The following STX6 variants were observed in gnomAD, a reference collection of about 807,000 sequenced individuals.
STX6 encodes syntaxin-6.
A neutral mutation model predicts 38.0 loss-of-function variants in STX6; 23 were observed. The observed-to-expected ratio is 0.60, with a 90% confidence interval of 0.43 to 0.86. STX6 has a LOEUF of 0.86. Ranked by LOEUF, STX6 falls within the 40% of genes least tolerant of loss-of-function variation. The probability of loss-of-function intolerance (pLI) is 0.00; values close to 1 mark genes in which losing one functional copy is unlikely to be tolerated. For missense variants in STX6, 274 were observed against 312.9 expected (o/e 0.88, Z 0.94); for synonymous variants, 123 against 107.5 (o/e 1.14, Z -0.89).
chr1:181,021,812 C>T (rs965615284), intron 1 of STX6, among the ~76,000 whole-genome samples: 3 of 152,194 alleles, frequency 2.0e-5, no homozygotes, highest in Non-Finnish European at 4.4e-5. Context: ...GAACAGAAGG[C>T]AGTCCTTTCT....
rs1156766790 is a variant in STX6 at position 180,976,248 on chromosome 1, G to C, written c.*322C>G. Reference sequence around the variant, plus strand: ...GAATGAGCAACAGCAAAACACCAGTGGAGTCTGTAAGTCCCTCCTCAGCAA... The same window carrying C: ...GAATGAGCAACAGCAAAACACCAGTCGAGTCTGTAAGTCCCTCCTCAGCAA... On this transcript the variant is annotated 3_prime_UTR_variant, in exon 8 of 8. Coordinates refer to ENST00000258301, the MANE Select transcript of STX6 (RefSeq NM_005819.6). 3 of 326,094 alleles carry C rather than the reference G, an allele frequency of 9.2e-6. No individual in the cohort carries two copies. The highest frequency in any genetic ancestry group is 1.8e-5 in the Non-Finnish European group (3 of 167,916). 20.2% of individuals were successfully genotyped at this position (326,094 alleles called of 1,614,324 possible). A position where few individuals can be genotyped will look rare whatever the true frequency, so the allele number is the denominator to read the frequency against.
intron 1 of STX6, among the ~76,000 whole-genome samples, chr1:181,014,640 G>C (rs1656504360): frequency 6.6e-6 from 1 of 152,062 alleles, no homozygotes; most frequent in Admixed American, 6.5e-5. Context: ...CAACACATCA[G>C]ACTCCCACTC....
rs1655615908 is a variant in STX6 at position 180,987,289 on chromosome 1, C to T, written c.596+950G>A. 5.3e-5 allele frequency among the ~76,000 whole-genome samples: 8 copies of T among 152,224 alleles called. No individual in the cohort carries two copies. The South Asian group carries it at 1.7e-3, about 32-fold the overall frequency. On this transcript the variant is annotated intron_variant, in intron 6 of 7. Coordinates refer to ENST00000258301, the MANE Select transcript of STX6 (RefSeq NM_005819.6). Reference sequence around the variant, plus strand: ...CACATCCTTCAGATTTCAGTTAAACCCCTCTTCCTCAGGGACCTTGGGCTA... The same window carrying T: ...CACATCCTTCAGATTTCAGTTAAACTCCTCTTCCTCAGGGACCTTGGGCTA...
Position 181,006,400 on chromosome 1 carries a change from C to T in STX6, c.36-937G>A, listed in dbSNP as rs189086284. The stretch of plus-strand genomic sequence containing the variant: ...TTCTTGTTTAGAGAATGAGACTAGG[C>T]CATTAAGTGCTATGATCTAGCATGC... On this transcript the variant is annotated intron_variant, in intron 1 of 7. Coordinates refer to ENST00000258301, the MANE Select transcript of STX6 (RefSeq NM_005819.6). Among the ~76,000 whole-genome samples, 6 of 150,150 alleles carry T rather than the reference C, an allele frequency of 4.0e-5. No homozygotes were observed. The Admixed American group carries it at 4.0e-4, about 10-fold the overall frequency.
intron 7 of STX6, 32 bp from the exon 8 acceptor site, chr1:180,976,678 C>T (rs759539838): frequency 1.3e-6 from 2 of 1,594,052 alleles, no homozygotes; most frequent in Non-Finnish European, 1.7e-6. Context: ...TTAGCTCTCA[C>T]AGGGACTCCA....
In STX6 at chr1:180,979,464, T is replaced by G. The variant is rs557300065; in HGVS notation, c.692-2818A>C. Among the ~76,000 whole-genome samples, 40 of 152,298 alleles carry G rather than the reference T, an allele frequency of 2.6e-4. No homozygotes were observed. In the South Asian group the frequency reaches 7.9e-3, roughly 30 times the overall value. ...GAGCAAAGAGAGTCTTTTCAACAAA[T>G]GGTGCTGAAACAACTGGACATCCAT... On this transcript the variant is annotated intron_variant, in intron 7 of 7. Transcript: ENST00000258301.
At chr1:181,017,867 G>A (rs1656608806) in intron 1 of STX6, among the ~76,000 whole-genome samples, 1 of 152,132 alleles carries the variant, frequency 6.6e-6, no homozygotes, top group African/African-American at 2.4e-5. Flanking sequence ...ACGCTTTGCT[G>A]TGCCTGCCCT....
chr1:180,988,453 T>A, intron 5 of STX6, 108 bp from the exon 6 acceptor site: 2 of 782,806 alleles, frequency 2.6e-6, no homozygotes, highest in South Asian at 1.5e-5. Context: ...ACAATTCACA[T>A]TCAGAAGCAA....
At chr1:181,008,727 G>GTTTTTTTTTTTTTTTTTTTTTTTTTTTTT (rs55654509) in intron 1 of STX6, among the ~76,000 whole-genome samples, 3 of 108,712 alleles carry the variant, frequency 2.8e-5, no homozygotes, top group Non-Finnish European at 5.3e-5. Context: ...TTCCAAAATT[G>GTTTTTTTTTTTTTTTTTTTTTTTTTTTTT]TTTTTTTTTT....
intron 4 of STX6, among the ~76,000 whole-genome samples, chr1:180,990,348 A>G (rs1571333513): frequency 6.6e-6 from 1 of 152,294 alleles, no homozygotes; most frequent in Non-Finnish European, 1.5e-5. Flanking sequence ...TTGTCCCCTT[A>G]AAGTGCAAAT....
At chr1:181,010,502 A>C (rs1656359980) in intron 1 of STX6, among the ~76,000 whole-genome samples, 1 of 152,102 alleles carries the variant, frequency 6.6e-6, no homozygotes, top group South Asian at 2.1e-4. Context: ...GAGTTTCACT[A>C]TGTTGGCCAG....
At chr1:181,015,685 TGA>T (rs1656534872) in intron 1 of STX6, among the ~76,000 whole-genome samples, 1 of 151,890 alleles carries the variant, frequency 6.6e-6, no homozygotes, top group Non-Finnish European at 1.5e-5. Context: ...TTTTTTTTTT[TGA>T]GAGGGAGTTT....
chr1:180,976,551 G>C lies in STX6; in HGVS notation c.*19C>G. ...CTCGGTTCATATGCAGGAGGAACTC[G>C]CACCCAGAGGCCCCGCCGTCACAGC... On this transcript the variant is annotated 3_prime_UTR_variant, in exon 8 of 8. Transcript: ENST00000258301. 1.2e-6 allele frequency: 2 copies of C among 1,611,420 alleles called. No individual in the cohort carries two copies. Among genetic ancestry groups the C allele is most frequent in the African/African-American group, 1.3e-5 (1 of 74,948 alleles).
In STX6 at chr1:180,976,553, A is replaced by G. The variant is rs1308825371; in HGVS notation, c.*17T>C. 1.2e-5 allele frequency: 19 copies of G among 1,612,770 alleles called. No homozygotes were observed. The highest frequency in any genetic ancestry group is 1.6e-5 in the Non-Finnish European group (19 of 1,179,396). On this transcript the variant is annotated 3_prime_UTR_variant, in exon 8 of 8. Coordinates refer to ENST00000258301, the MANE Select transcript of STX6 (RefSeq NM_005819.6). ...CGGTTCATATGCAGGAGGAACTCGC[A>G]CCCAGAGGCCCCGCCGTCACAGCAC...
intron 1 of STX6, among the ~76,000 whole-genome samples, chr1:181,011,586 T>A (rs569679732): frequency 1.3e-5 from 2 of 152,240 alleles, no homozygotes; most frequent in Non-Finnish European, 2.9e-5. Context: ...CACTTGTAAG[T>A]ACTTGCAACT....
In STX6 at chr1:180,974,753, T is replaced by C. The variant is rs1655203608; in HGVS notation, c.*1817A>G. 1 of 152,620 alleles carries C rather than the reference T, an allele frequency of 6.6e-6. No individual in the cohort carries two copies. Among genetic ancestry groups the C allele is most frequent in the Admixed American group, 6.5e-5 (1 of 15,286 alleles). The allele number at this position is 152,620 out of a possible 1,614,324, so 9.5% of individuals were successfully genotyped here. On this transcript the variant is annotated 3_prime_UTR_variant, in exon 8 of 8. Coordinates refer to ENST00000258301, the MANE Select transcript of STX6 (RefSeq NM_005819.6). ...AGATTCAAACTTTGTAAAACATAAA[T>C]AACCTAGTACTCTAAACATCTGAAG...
chr1:181,009,101 A>T (rs921240257), intron 1 of STX6, among the ~76,000 whole-genome samples: 1 of 152,198 alleles, frequency 6.6e-6, no homozygotes, highest in Non-Finnish European at 1.5e-5. Context: ...GATATTTACA[A>T]ATTATATATC....
At chr1:181,016,720 A>G (rs1258255686) in intron 1 of STX6, among the ~76,000 whole-genome samples, 3 of 152,248 alleles carry the variant, frequency 2.0e-5, no homozygotes, top group Non-Finnish European at 4.4e-5. Context: ...ACAACATAAC[A>G]TATACCATCT....
At chr1:181,004,163 G>A (rs768750684) in intron 2 of STX6, among the ~76,000 whole-genome samples, 1 of 152,122 alleles carries the variant, frequency 6.6e-6, no homozygotes, top group Non-Finnish European at 1.5e-5. Flanking sequence ...AAGAGGAAAC[G>A]GAAGCACAGG....
Sources: gnomAD v4.1 joint callset for allele counts (sites outside exome capture counted in the v4.1 genomes callset) on GRCh38, gnomAD v4.1.1 for gene constraint, MANE v1.5 for transcripts, NCBI Gene and HGNC (gene_info 2026-07-23, HGNC 2026-07-21) for gene names.